The following ARID4B variants were observed in gnomAD, a reference collection of about 807,000 sequenced individuals.
ARID4B encodes AT-rich interactive domain-containing protein 4B.
ARID4B carries 26 observed loss-of-function variants against 147.5 expected under a neutral mutation model. That is an observed-to-expected ratio of 0.18 (90% CI 0.13 to 0.24). The LOEUF is 0.24. Among genes scored for constraint, ARID4B ranks in the 10% least tolerant of loss-of-function variants. ARID4B has a pLI of 1.00. For synonymous variants in ARID4B, 512 were observed against 507.9 expected (o/e 1.01, Z -0.11); for missense variants, 1,179 against 1,511.5 (o/e 0.78, Z 3.65).
At chr1:235,179,249 T>C (rs1469881055) in intron 20 of ARID4B, among the ~76,000 whole-genome samples, 2 of 152,108 alleles carry the variant, frequency 1.3e-5, no homozygotes, top group Non-Finnish European at 2.9e-5. Flanking sequence ...AGAACCTATT[T>C]CTGGCTGGGC....
chr1:235,200,256 C>T (rs575790029), intron 17 of ARID4B, among the ~76,000 whole-genome samples: 87 of 152,220 alleles, frequency 5.7e-4, no homozygotes, highest in Admixed American at 2.2e-3. Context: ...GTCAGGAGTT[C>T]GAGACCAGCC....
At chr1:235,173,834 T>TATATAC (rs1663642735) in intron 22 of ARID4B, among the ~76,000 whole-genome samples, 1 of 129,488 alleles carries the variant, frequency 7.7e-6, no homozygotes, top group Non-Finnish European at 1.6e-5. Context: ...AACATATATA[T>TATATAC]ATATACCTTT....
chr1:235,257,086 C>G, intron 4 of ARID4B, 74 bp downstream of exon 4: 1 of 984,754 alleles, frequency 1.0e-6, no homozygotes, highest in Non-Finnish European at 1.6e-6. Flanking sequence ...AACAAAAGAG[C>G]CAATGAATTA....
intron 16 of ARID4B, among the ~76,000 whole-genome samples, chr1:235,217,130 C>G (rs1572001367): frequency 6.6e-6 from 1 of 151,982 alleles, no homozygotes; most frequent in Non-Finnish European, 1.5e-5. Flanking sequence ...TGAAATCAAG[C>G]AATCAAAAAT....
intron 2 of ARID4B, among the ~76,000 whole-genome samples, chr1:235,307,347 A>C (rs1673644788): frequency 6.6e-6 from 1 of 152,224 alleles, no homozygotes. Flanking sequence ...CAAGAGACTG[A>C]GATGGGAAGA....
At chr1:235,248,790 G>A (rs867433278) in intron 6 of ARID4B, among the ~76,000 whole-genome samples, 1 of 152,164 alleles carries the variant, frequency 6.6e-6, no homozygotes, top group Non-Finnish European at 1.5e-5. Flanking sequence ...CAGGAAAGTA[G>A]GGGCATGTTT....
intron 2 of ARID4B, among the ~76,000 whole-genome samples, chr1:235,309,052 T>C (rs1189842025): frequency 7.5e-5 from 9 of 120,640 alleles, no homozygotes; most frequent in East Asian, 2.6e-4. Context: ...CCGGCCGCCA[T>C]CCCATCTAGG....
At chr1:235,267,847 T>A (rs1358104262) in intron 2 of ARID4B, among the ~76,000 whole-genome samples, 1 of 151,118 alleles carries the variant, frequency 6.6e-6, no homozygotes, top group Non-Finnish European at 1.5e-5. Flanking sequence ...GAGCTTGCAG[T>A]GAGCCGAGAT....
chr1:235,281,879 CA>C (rs550360615), intron 2 of ARID4B, among the ~76,000 whole-genome samples: 4 of 152,104 alleles, frequency 2.6e-5, no homozygotes, highest in Non-Finnish European at 5.9e-5. Context: ...ATCAGAAATA[CA>C]AAAATTAAAA....
rs181520909 is a variant in ARID4B, at chr1:235,264,700, C to A, written c.7-3948G>T. On this transcript the variant is annotated intron_variant, in intron 2 of 23. Coordinates refer to ENST00000264183, the MANE Select transcript of ARID4B (RefSeq NM_016374.6). ...AAACACTTGATGTGGACAAACAAGT[C>A]ATTTTATCAATAGTAATTCAGATTT... is the stretch of plus-strand genomic sequence containing the variant. 1.1e-3 allele frequency among the ~76,000 whole-genome samples: 174 copies of A among 152,282 alleles called. 1 individual carries two copies. The highest frequency in any genetic ancestry group is 4.1e-3 in the African/African-American group (169 of 41,564).
At chr1:235,304,974 T>C (rs999844899) in intron 2 of ARID4B, among the ~76,000 whole-genome samples, 1 of 152,156 alleles carries the variant, frequency 6.6e-6, no homozygotes, top group African/African-American at 2.4e-5. Context: ...CCCCACAAAA[T>C]GACCACATCC....
At chr1:235,280,079 A>C (rs1671571017) in intron 2 of ARID4B, among the ~76,000 whole-genome samples, 1 of 152,216 alleles carries the variant, frequency 6.6e-6, no homozygotes, top group Non-Finnish European at 1.5e-5. Flanking sequence ...GAATTACCAA[A>C]TCTAACACTG....
At chr1:235,246,278 G>A in intron 7 of ARID4B, 142 bp downstream of exon 7, 1 of 653,074 alleles carries the variant, frequency 1.5e-6, no homozygotes. Flanking sequence ...CCCATGCTGA[G>A]GAGTCTGAAA....
intron 9 of ARID4B, among the ~76,000 whole-genome samples, chr1:235,232,830 T>G (rs189219707): frequency 1.9e-3 from 285 of 152,218 alleles, no homozygotes; most frequent in Admixed American, 4.1e-3. Flanking sequence ...TCTACATTTT[T>G]TTTTGTTTTG....
At chr1:235,309,521 C>T (rs1341022231) in intron 2 of ARID4B, among the ~76,000 whole-genome samples, 3 of 149,144 alleles carry the variant, frequency 2.0e-5, no homozygotes, top group East Asian at 2.0e-4. Flanking sequence ...CCCCTCTGCC[C>T]GGCCAGCCGC....
chr1:235,221,488 C>T (rs1463752534), intron 14 of ARID4B, 77 bp downstream of exon 14: 3 of 742,334 alleles, frequency 4.0e-6, no homozygotes, highest in Non-Finnish European at 6.6e-6. Context: ...AATAATTAAC[C>T]TCAGTTATAA....
intron 2 of ARID4B, among the ~76,000 whole-genome samples, chr1:235,288,382 G>A (rs1355876730): frequency 6.6e-6 from 1 of 151,706 alleles, no homozygotes; most frequent in African/African-American, 2.4e-5. Flanking sequence ...TTTGGCATAT[G>A]TTCTTCCAGG....
chr1:235,257,653 G>T (rs538215320), intron 3 of ARID4B, among the ~76,000 whole-genome samples: 1 of 151,924 alleles, frequency 6.6e-6, no homozygotes, highest in East Asian at 1.9e-4. Flanking sequence ...ACTAATTTTT[G>T]TATTTCTAAT....
chr1:235,217,421 TATACATACATACACTCACATACATAC>T (rs1352112283), intron 16 of ARID4B, among the ~76,000 whole-genome samples: 2 of 151,390 alleles, frequency 1.3e-5, no homozygotes, highest in Non-Finnish European at 2.9e-5. Flanking sequence ...CATGCACTCA[TATACATACATACACTCACATACATAC>T]ATACATACAT....
Sources: allele counts gnomAD v4.1 joint callset (sites outside exome capture counted in the v4.1 genomes callset), GRCh38; gene constraint gnomAD v4.1.1; transcripts MANE v1.5; gene names NCBI Gene and HGNC (gene_info 2026-07-23, HGNC 2026-07-21).